The following SLC25A28 variants were observed in gnomAD, a reference collection of about 807,000 sequenced individuals.
SLC25A28 encodes the protein mitoferrin-2.
A neutral mutation model predicts 31.9 loss-of-function variants in SLC25A28; 10 were observed. That is an observed-to-expected ratio of 0.31 (90% CI 0.19 to 0.53). The LOEUF (loss-of-function observed/expected upper bound fraction) is 0.53. SLC25A28 is among the 20% of genes least tolerant of loss of function. SLC25A28 has a pLI of 0.95. For synonymous variants in SLC25A28, 208 were observed against 203.6 expected (o/e 1.02, Z -0.19); for missense variants, 256 against 490.3 (o/e 0.52, Z 4.51).
rs1247647595 is a variant in SLC25A28 at position 99,611,260 on chromosome 10, G to A, written c.684C>T (p.Tyr228=). 2.5e-6 allele frequency: 4 copies of A among 1,614,038 alleles called. No individual in the cohort carries two copies. Among genetic ancestry groups the A allele is most frequent in the African/African-American group, 1.3e-5 (1 of 74,914 alleles). The change falls in exon 4 of 4, where the codon TAC becomes TAT. Residue 228 remains tyrosine (Y), a synonymous_variant. Coordinates refer to ENST00000370495, the MANE Select transcript of SLC25A28 (RefSeq NM_031212.4). This position sits in a 1 kb window ranked among gnomAD's most constrained non-coding sequence, Gnocchi z 5.5. ...GAACGTTCATGGTCAGCTGGGTGGT[G>A]TAGCTGCGGTAAAAGGCCCCGGCCC... is the stretch of plus-strand genomic sequence containing the variant. ...NEGAGAFYRS[Y]TTQLTMNVPF...
chr10:99,610,670 GA>G lies in SLC25A28; in HGVS notation c.*178del. The stretch of plus-strand genomic sequence containing the variant: ...GCTGCACGTGCTTAGGGCCTGGAAG[GA>G]AAGGTGGTGGCAACAGAGGTTGGCA... On this transcript the variant is annotated 3_prime_UTR_variant, in exon 4 of 4. Coordinates refer to ENST00000370495, the MANE Select transcript of SLC25A28 (RefSeq NM_031212.4). 1 of 689,474 alleles carries G rather than the reference GA, an allele frequency of 1.5e-6. No individual in the cohort carries two copies. Among genetic ancestry groups the G allele is most frequent in the Non-Finnish European group, 2.4e-6 (1 of 416,068 alleles). The allele number at this position is 689,474 out of a possible 1,614,324, so 42.7% of individuals were successfully genotyped here. A position where few individuals can be genotyped will look rare whatever the true frequency, so the allele number is the denominator to read the frequency against.
the SLC25A28 span, among the ~76,000 whole-genome samples, chr10:99,636,571 A>G: frequency 2.0e-5 from 3 of 152,158 alleles, no homozygotes; most frequent in Non-Finnish European, 4.4e-5. Context: ...GAGAAACAAG[A>G]ACAAACCAAA....
At chr10:99,612,491 AAAG>A in intron 3 of SLC25A28, 49 bp downstream of exon 3, 2 of 1,591,338 alleles carry the variant, frequency 1.3e-6, no homozygotes, top group Non-Finnish European at 1.7e-6. Flanking sequence ...TGCAAACTGT[AAAG>A]AAATACAGGT....
chr10:99,657,159 T>G, the SLC25A28 span, among the ~76,000 whole-genome samples: 1 of 152,202 alleles, frequency 6.6e-6, no homozygotes, highest in Non-Finnish European at 1.5e-5. Flanking sequence ...TCATAAACCA[T>G]AGGAATTAAG....
chr10:99,629,862 C>T, the SLC25A28 span, among the ~76,000 whole-genome samples: 3 of 152,174 alleles, frequency 2.0e-5, no homozygotes, highest in African/African-American at 7.2e-5. Flanking sequence ...CTAAATGCCA[C>T]TGAATAGTCC....
the SLC25A28 span, among the ~76,000 whole-genome samples, chr10:99,642,005 C>A: frequency 1.3e-5 from 2 of 151,928 alleles, no homozygotes; most frequent in Admixed American, 6.5e-5. Flanking sequence ...TAGCATGATG[C>A]CTCCAGCTTT....
upstream of SLC25A28, chr10:99,620,565 C>T: frequency 9.8e-7 from 1 of 1,018,780 alleles, no homozygotes; most frequent in African/African-American, 1.7e-5. Context: ...GCGAAGTCGC[C>T]TGTCATTCCT....
chr10:99,639,603 T>C, the SLC25A28 span, among the ~76,000 whole-genome samples: 1 of 152,014 alleles, frequency 6.6e-6, no homozygotes, highest in South Asian at 2.1e-4. Flanking sequence ...TAATAACTCT[T>C]ACTCAACCTC....
Position 99,620,311 on chromosome 10 carries a change from C to G in SLC25A28, c.25G>C (p.Gly9Arg). Residue 9 changes from glycine to arginine, a missense_variant, in exon 1 of 4, where the codon GGC becomes CGC. Gly to Arg is a moderately radical substitution (Grantham distance 125). This residue lies in a region of SLC25A28 where 47 missense variants were observed against 41.4 expected (regional missense o/e 1.14). Transcript: ENST00000370495. MELEGRGA[G>R]GVAGGPAAGP... is the part of the protein sequence containing the mutation. ...GCCGCCGGCCCCCCCGCCACACCGC[C>G]AGCACCCCGCCCCTCCAACTCCATC... 8.7e-7 allele frequency: 1 copy of G among 1,155,354 alleles called. No homozygotes were observed. The allele number at this position is 1,155,354 out of a possible 1,614,324, so 71.6% of individuals were successfully genotyped here.
Position 99,620,099 on chromosome 10 carries a change from GCCT to G in SLC25A28, c.234_236del (p.Gly79del). ...AGTGCTCCAGGATCCCTGCCACGGC[GCCT>G]GCCACCATGTGCGTGGTGACAGTGG... On this transcript the variant is annotated inframe_deletion, in exon 1 of 4. Transcript: ENST00000370495. The G allele has an allele frequency of 1.3e-6, 2 of 1,580,516 alleles. No individual in the cohort carries two copies. Among genetic ancestry groups the G allele is most frequent in the Non-Finnish European group, 1.7e-6 (2 of 1,170,852 alleles).
chr10:99,636,115 C>T, the SLC25A28 span, among the ~76,000 whole-genome samples: 29 of 152,142 alleles, frequency 1.9e-4, no homozygotes, highest in African/African-American at 5.8e-4. Context: ...TACCTTGGAA[C>T]AAATGGACTT....
At chr10:99,618,643 T>C (rs1340334086) in intron 1 of SLC25A28, 2 of 985,368 alleles carry the variant, frequency 2.0e-6, no homozygotes, top group African/African-American at 1.7e-5. Context: ...CAAGGACATT[T>C]AACATTCTAA....
the SLC25A28 span, among the ~76,000 whole-genome samples, chr10:99,647,867 C>T: frequency 6.6e-6 from 1 of 152,154 alleles, no homozygotes; most frequent in African/African-American, 2.4e-5. Context: ...CATTCTTTTG[C>T]ATATGGCCAT....
chr10:99,631,878 A>ATTTTTTTTTTTTTTTTTTTTTTTTTTTT, the SLC25A28 span, among the ~76,000 whole-genome samples: 2 of 92,904 alleles, frequency 2.2e-5, 1 homozygote. Flanking sequence ...TCAGTATGTT[A>ATTTTTTTTTTTTTTTTTTTTTTTTTTTT]TTTTTTTTTT....
chr10:99,610,977 C>G lies in SLC25A28; in HGVS notation c.967G>C (p.Ala323Pro). Reference sequence around the variant, plus strand: ...CTGGCCTGCACCCCTCGGAAATAGGCGGTCACCCCACCTACTTGATATACC... The same window carrying G: ...CTGGCCTGCACCCCTCGGAAATAGGGGGTCACCCCACCTACTTGATATACC... ...RTVYQVGGVT[A>P]YFRGVQARVI... Residue 323 changes from alanine (A) to proline (P), a missense_variant, in exon 4 of 4, where the codon GCC becomes CCC. By Grantham distance (27) the Ala-to-Pro change is conservative. Transcript: ENST00000370495. 1 of 1,614,198 alleles carries G rather than the reference C, an allele frequency of 6.2e-7. No individual in the cohort carries two copies. The highest frequency in any genetic ancestry group is 8.5e-7 in the Non-Finnish European group (1 of 1,180,038).
upstream of SLC25A28, chr10:99,622,738 T>C: frequency 7.1e-6 from 7 of 983,246 alleles, no homozygotes; most frequent in Non-Finnish European, 8.5e-6. Context: ...CGTTTAATGC[T>C]TCTTGGTCAT....
chr10:99,651,246 G>C, the SLC25A28 span, among the ~76,000 whole-genome samples: 2 of 152,098 alleles, frequency 1.3e-5, no homozygotes, highest in African/African-American at 4.8e-5. Context: ...CCATGAAGGA[G>C]GCACATACTA....
In SLC25A28 at chr10:99,612,451, A is replaced by G. The variant is rs555253361; in HGVS notation, c.577+92T>C. The G allele has an allele frequency of 3.4e-6, 5 of 1,454,408 alleles. No homozygotes were observed. The South Asian group carries it at 5.9e-5, about 17-fold the overall frequency. The allele number at this position is 1,454,408 out of a possible 1,614,324, so 90.1% of individuals were successfully genotyped here. ...TCTAGTGGTAAAACAAGGTAACAGA[A>G]TTTCCCACCAAAACTGATGTGCTTT... On this transcript the variant is annotated intron_variant, in intron 3 of 3. Coordinates refer to ENST00000370495, the MANE Select transcript of SLC25A28 (RefSeq NM_031212.4).
rs369331286 is a variant in SLC25A28, at chr10:99,616,070, T to A, written c.292-2146A>T. On this transcript the variant is annotated intron_variant, in intron 1 of 3. Coordinates refer to ENST00000370495, the MANE Select transcript of SLC25A28 (RefSeq NM_031212.4). ...TGCCAAATATAAAAATGAATATGGC[T>A]CCCCAAATTTGTGGGCCAATAAATC... The A allele has an allele frequency of 1.5e-4, 150 of 985,382 alleles. No individual in the cohort carries two copies. The African/African-American group carries it at 2.2e-3, about 14-fold the overall frequency. 61.0% of individuals were successfully genotyped at this position (985,382 alleles called of 1,614,324 possible).
Sources: gnomAD v4.1 joint callset for allele counts (sites outside exome capture counted in the v4.1 genomes callset) on GRCh38, gnomAD v4.1.1 for gene constraint, gnomAD v4.1.1 regional missense constraint, Gnocchi (gnomAD v3.1) non-coding constraint, MANE v1.5 for transcripts, NCBI Gene and HGNC (gene_info 2026-07-23, HGNC 2026-07-21) for gene names.